Variants in SLC6A13 observed in about 807,000 individuals in gnomAD.
The protein encoded by SLC6A13 is solute carrier family 6 member 13.
SLC6A13 carries 69 observed loss-of-function variants against 72.9 expected under a neutral mutation model. The observed-to-expected ratio is 0.95, with a 90% CI of 0.78 to 1.16. SLC6A13 has a LOEUF of 1.16. SLC6A13 is among the 50% of genes most tolerant of loss of function. The pLI, the probability that SLC6A13 is intolerant of heterozygous loss-of-function variation, is 0.00. For missense variants in SLC6A13, 735 were observed against 760.5 expected, an observed-to-expected ratio of 0.97 and a Z score of 0.39; for synonymous variants, 303 against 303.0, an observed-to-expected ratio of 1.00 and a Z score of 0.00.
intron 2 of SLC6A13, among the ~76,000 whole-genome samples, chr12:251,790 C>CAA (rs35885299): frequency 1.1e-4 from 15 of 139,710 alleles, no homozygotes; most frequent in Non-Finnish European, 2.2e-4. Flanking sequence ...TCGTCTCTAC[C>CAA]AAAAAAAAAA....
At chr12:237,574 G>C (rs1305597702) in intron 5 of SLC6A13, among the ~76,000 whole-genome samples, 1 of 151,556 alleles carries the variant, frequency 6.6e-6, no homozygotes, top group African/African-American at 2.4e-5. Flanking sequence ...TTGACAGCAG[G>C]ACTCTTGCCC....
At chr12:234,489 TATTTTATTTC>T (rs1279842643) in intron 7 of SLC6A13, among the ~76,000 whole-genome samples, 2 of 146,908 alleles carry the variant, frequency 1.4e-5, no homozygotes, top group East Asian at 2.2e-4. Flanking sequence ...CATTTTATTT[TATTTTATTTC>T]ATTTTATTTT....
intron 4 of SLC6A13, among the ~76,000 whole-genome samples, chr12:240,480 C>G (rs1942125091): frequency 1.3e-5 from 2 of 152,240 alleles, no homozygotes; most frequent in South Asian, 4.1e-4. Context: ...GCTAGGATTA[C>G]AGGCGTGAGC....
chr12:222,462 G>A (rs775625311), intron 13 of SLC6A13, 70 bp downstream of exon 13: 28 of 910,058 alleles, frequency 3.1e-5, no homozygotes, highest in African/African-American at 5.0e-5. Flanking sequence ...CAGGGCTAAC[G>A]GCTTCTCTAC....
chr12:244,301 G>A (rs1311830328), intron 2 of SLC6A13, among the ~76,000 whole-genome samples: 2 of 152,224 alleles, frequency 1.3e-5, no homozygotes, highest in Non-Finnish European at 2.9e-5. Flanking sequence ...CTATGCAACA[G>A]TGTTGGGACG....
At chr12:245,311 A>G (rs964477374) in intron 2 of SLC6A13, among the ~76,000 whole-genome samples, 3 of 152,234 alleles carry the variant, frequency 2.0e-5, no homozygotes, top group Non-Finnish European at 4.4e-5. Flanking sequence ...ATTGCTACCT[A>G]ACCAATCTTA....
intron 4 of SLC6A13, among the ~76,000 whole-genome samples, chr12:242,265 G>A (rs1942192631): frequency 2.0e-5 from 3 of 152,190 alleles, no homozygotes; most frequent in Admixed American, 2.0e-4. Context: ...TGAATTGCAA[G>A]TTTGAAAGAC....
At position 237,185 on chromosome 12, in the gene SLC6A13, G is replaced by A. The variant is rs1467086441; in HGVS notation, c.669C>T (p.Ile223=). Residue 223 remains isoleucine (I), a synonymous_variant, in exon 6 of 15, where the codon ATC becomes ATT. Transcript: ENST00000343164. ...LLAWVICYFC[I]WKGVKSTGKV... ...TGCCTGTGGACTTCACCCCCTTCCA[G>A]ATGCAGAAGTAGCAGATGACCCAGG... 6.2e-7 allele frequency: 1 copy of A among 1,614,160 alleles called. No homozygotes were observed. Among genetic ancestry groups the A allele is most frequent in the Non-Finnish European group, 8.5e-7 (1 of 1,180,008 alleles).
rs1413547372 is a variant in SLC6A13, at chr12:224,254, T to C, written c.1174-125A>G. The C allele has an allele frequency of 5.6e-6, 8 of 1,421,432 alleles. No homozygotes were observed. In the East Asian group the frequency reaches 7.0e-5, roughly 13 times the overall value. 88.1% of individuals were successfully genotyped at this position (1,421,432 alleles called of 1,614,324 possible). On this transcript the variant is annotated intron_variant, in intron 10 of 14. Transcript: ENST00000343164. ...CACTGTCTCAGGTCCCCTGAGCTAT[T>C]GTCCTTGCCTGGTTAGGTCAGGACT...
At chr12:246,187 A>G (rs1210407253) in intron 2 of SLC6A13, among the ~76,000 whole-genome samples, 3 of 137,864 alleles carry the variant, frequency 2.2e-5, no homozygotes, top group East Asian at 4.1e-4. Flanking sequence ...GCATGGTGGC[A>G]TGTGCCTGTG....
chr12:224,964 G>A (rs1013815786), intron 9 of SLC6A13, among the ~76,000 whole-genome samples: 3 of 152,196 alleles, frequency 2.0e-5, no homozygotes, highest in African/African-American at 4.8e-5. Context: ...GTATTTGTAC[G>A]GAATGTAGAT....
At chr12:260,382 G>GCCAC (rs1389369866) in intron 1 of SLC6A13, among the ~76,000 whole-genome samples, 4 of 152,152 alleles carry the variant, frequency 2.6e-5, no homozygotes, top group Non-Finnish European at 5.9e-5. Context: ...AATTCTCCCT[G>GCCAC]CCACCCTACA....
intron 6 of SLC6A13, among the ~76,000 whole-genome samples, 169 bp from the exon 7 acceptor site, chr12:235,393 C>A (rs1941890374): frequency 6.6e-6 from 1 of 152,140 alleles, no homozygotes; most frequent in African/African-American, 2.4e-5. Context: ...AAGTTAGGGA[C>A]CCCGAATGGA....
At chr12:242,153 T>C (rs960640211) in intron 4 of SLC6A13, among the ~76,000 whole-genome samples, 1 of 152,200 alleles carries the variant, frequency 6.6e-6, no homozygotes, top group African/African-American at 2.4e-5. Context: ...ACTGCTATTA[T>C]AAACCACAGT....
At chr12:237,821 A>G in intron 5 of SLC6A13, 105 bp downstream of exon 5, 1 of 852,356 alleles carries the variant, frequency 1.2e-6, no homozygotes, top group Non-Finnish European at 1.9e-6. Flanking sequence ...ACTTAGTGGA[A>G]ATTCTTCCCT....
Position 237,958 on chromosome 12 carries a change from C to T in SLC6A13, c.531G>A (p.Glu177=). Residue 177 remains glutamate (E), a synonymous_variant, in exon 5 of 15, where the codon GAG becomes GAA. Transcript: ENST00000343164. ...KTNGSLNGTS[E]NATSPVIEFW... is the part of the protein sequence containing the mutation. Reference sequence around the variant, plus strand: ...ACTCGATGACAGGAGAGGTGGCATTCTCAGAGGTACCATTCAGGGAGCCGT... The same window carrying T: ...ACTCGATGACAGGAGAGGTGGCATTTTCAGAGGTACCATTCAGGGAGCCGT... 3.1e-6 allele frequency: 5 copies of T among 1,614,116 alleles called. No homozygotes were observed. Among genetic ancestry groups the T allele is most frequent in the African/African-American group, 1.3e-5 (1 of 75,052 alleles).
chr12:255,289 G>A (rs1246993061), intron 2 of SLC6A13, among the ~76,000 whole-genome samples: 1 of 152,110 alleles, frequency 6.6e-6, no homozygotes, highest in East Asian at 1.9e-4. Context: ...AGCTATGAGA[G>A]GTGGAGGAAA....
chr12:259,433 C>G, intron 2 of SLC6A13: 1 of 1,115,682 alleles, frequency 9.0e-7, no homozygotes, highest in Non-Finnish European at 1.1e-6. Context: ...ATCAGCAGAG[C>G]TACTATTTAT....
At chr12:227,822 C>A (rs1053494348) in intron 7 of SLC6A13, among the ~76,000 whole-genome samples, 154 bp from the exon 8 acceptor site, 9 of 152,194 alleles carry the variant, frequency 5.9e-5, no homozygotes, top group African/African-American at 1.9e-4. Flanking sequence ...CCTCTGCTCA[C>A]CCCAGTGGGC....
Sources: allele counts gnomAD v4.1 joint callset (sites outside exome capture counted in the v4.1 genomes callset), GRCh38; gene constraint gnomAD v4.1.1; transcripts MANE v1.5; gene names NCBI Gene and HGNC (gene_info 2026-07-23, HGNC 2026-07-21).